LRMDA: variants seen among roughly 807,000 people sequenced by gnomAD.
The protein encoded by LRMDA is leucine-rich melanocyte differentiation-associated protein.
LRMDA carries 18 observed loss-of-function variants against 29.8 expected under a neutral mutation model. The ratio of observed to expected loss-of-function variants is 0.60; its 90% CI spans 0.42 to 0.90. LRMDA has a LOEUF of 0.90. LRMDA is among the 40% of genes least tolerant of loss of function. The pLI is 0.00. For missense variants in LRMDA, 273 were observed against 273.9 expected, an observed-to-expected ratio of 1.00 and a Z score of 0.02; for synonymous variants, 125 against 109.4, an observed-to-expected ratio of 1.14 and a Z score of -0.89.
Position 75,433,169 on chromosome 10 carries a change from C to T in LRMDA, c.30+1415C>T, listed in dbSNP as rs148326823. 2.6e-5 allele frequency among the ~76,000 whole-genome samples: 4 copies of T among 152,218 alleles called. No individual in the cohort carries two copies. In the East Asian group the frequency reaches 7.7e-4, roughly 29 times the overall value. ...CTTTTCCTTCTCTTGGAGTATCTACCTAAGAAGGAGGGTTCCCTGCCCCCC... is the reference window on the plus strand; with the variant it reads ...CTTTTCCTTCTCTTGGAGTATCTACTTAAGAAGGAGGGTTCCCTGCCCCCC... On this transcript the variant is annotated intron_variant, in intron 1 of 6. Transcript: ENST00000611255.
chr10:75,735,819 AAGC>A (rs1842755004), intron 2 of LRMDA, among the ~76,000 whole-genome samples: 1 of 152,216 alleles, frequency 6.6e-6, no homozygotes, highest in Non-Finnish European at 1.5e-5. Context: ...GTCGCCTCAG[AAGC>A]AGCATATCCT....
At chr10:75,572,551 GC>G (rs1223386950) in intron 2 of LRMDA, among the ~76,000 whole-genome samples, 1 of 152,066 alleles carries the variant, frequency 6.6e-6, no homozygotes, top group Non-Finnish European at 1.5e-5. Flanking sequence ...TTCGATTTCT[GC>G]CAAGTACACT....
At chr10:76,174,919 G>A (rs1011685826) in intron 5 of LRMDA, among the ~76,000 whole-genome samples, 5 of 152,084 alleles carry the variant, frequency 3.3e-5, no homozygotes, top group African/African-American at 4.8e-5. Flanking sequence ...TCAGGAGTTC[G>A]AGACTAGCCT....
At chr10:75,979,695 C>A (rs1197826946) in intron 2 of LRMDA, among the ~76,000 whole-genome samples, 1 of 152,038 alleles carries the variant, frequency 6.6e-6, no homozygotes, top group Admixed American at 6.6e-5. Flanking sequence ...CCCCTTCATT[C>A]CACTCAGGAC....
At chr10:76,318,882 C>T (rs1358758333) in intron 5 of LRMDA, 3 of 152,148 alleles carry the variant, frequency 2.0e-5, no homozygotes, top group Non-Finnish European at 2.9e-5. Context: ...CCCACACTTT[C>T]GTGTTGAATT....
chr10:76,422,410 A>G (rs537699182), intron 6 of LRMDA, among the ~76,000 whole-genome samples: 1 of 152,084 alleles, frequency 6.6e-6, no homozygotes, highest in South Asian at 2.1e-4. Flanking sequence ...TCAGCCAGCT[A>G]GTCTATCTAC....
At chr10:75,732,708 C>T (rs929982188) in intron 2 of LRMDA, among the ~76,000 whole-genome samples, 4 of 152,128 alleles carry the variant, frequency 2.6e-5, no homozygotes, top group East Asian at 1.9e-4. Flanking sequence ...CAGCTCACCA[C>T]GAACAGCCAT....
intron 6 of LRMDA, among the ~76,000 whole-genome samples, chr10:76,513,274 G>A (rs148476910): frequency 4.9e-4 from 75 of 152,200 alleles, no homozygotes; most frequent in African/African-American, 1.6e-3. Flanking sequence ...TTCAAACCCT[G>A]TGTTTTAAAA....
rs563390221 is a variant in LRMDA at position 75,632,048 on chromosome 10, G to A, written c.131+193554G>A. Among the ~76,000 whole-genome samples, 34 of 152,260 alleles carry A rather than the reference G, an allele frequency of 2.2e-4. 1 individual carries two copies. The South Asian group carries it at 6.2e-3, about 28-fold the overall frequency. On this transcript the variant is annotated intron_variant, in intron 2 of 6. Transcript: ENST00000611255. ...TTGTTGGCTCCTAATATTCCCAGAC[G>A]TTGGCTGTGCTTCTGGCAACCTTTA...
At chr10:76,465,242 G>A (rs888196314) in intron 6 of LRMDA, among the ~76,000 whole-genome samples, 2 of 152,132 alleles carry the variant, frequency 1.3e-5, no homozygotes, top group Non-Finnish European at 2.9e-5. Context: ...AATATTTGTG[G>A]CCATGGGCAT....
At chr10:76,209,465 T>C (rs1851597179) in intron 5 of LRMDA, among the ~76,000 whole-genome samples, 1 of 152,188 alleles carries the variant, frequency 6.6e-6, no homozygotes, top group African/African-American at 2.4e-5. Context: ...TCTCTCTGGA[T>C]TGACGGCATA....
intron 2 of LRMDA, chr10:75,783,083 A>G: frequency 1.9e-6 from 3 of 1,593,112 alleles, no homozygotes; most frequent in Non-Finnish European, 2.6e-6. Flanking sequence ...TGCCTTTTAA[A>G]TAGCAATGAT....
At chr10:75,728,813 G>T (rs1001284500) in intron 2 of LRMDA, among the ~76,000 whole-genome samples, 1 of 151,910 alleles carries the variant, frequency 6.6e-6, no homozygotes, top group Non-Finnish European at 1.5e-5. Context: ...GCTAATGGGG[G>T]TTGAGTGTAT....
intron 2 of LRMDA, among the ~76,000 whole-genome samples, chr10:75,735,008 T>A (rs1186614875): frequency 7.9e-5 from 12 of 152,212 alleles, no homozygotes; most frequent in Admixed American, 7.9e-4. Context: ...TCTAATTTAC[T>A]TATTCATGAT....
intron 2 of LRMDA, among the ~76,000 whole-genome samples, chr10:75,728,815 TGA>T (rs1483565765): frequency 6.6e-6 from 1 of 152,028 alleles, no homozygotes; most frequent in Non-Finnish European, 1.5e-5. Flanking sequence ...TAATGGGGGT[TGA>T]GTGTATACTT....
At chr10:76,268,768 A>G (rs116332962) in intron 5 of LRMDA, among the ~76,000 whole-genome samples, 2,344 of 152,190 alleles carry the variant, frequency 0.015, 33 homozygotes, top group African/African-American at 0.05. Flanking sequence ...CATCAGGGAA[A>G]TCTCTGACTT....
chr10:76,294,598 T>G (rs1235382242), intron 5 of LRMDA, among the ~76,000 whole-genome samples: 1 of 152,156 alleles, frequency 6.6e-6, no homozygotes, highest in Non-Finnish European at 1.5e-5. Flanking sequence ...AAGTATAAAG[T>G]TGGAGAGGTC....
intron 5 of LRMDA, among the ~76,000 whole-genome samples, chr10:76,110,385 C>T (rs1397945051): frequency 6.6e-6 from 1 of 152,212 alleles, no homozygotes; most frequent in Non-Finnish European, 1.5e-5. Context: ...TTACTTCCAT[C>T]AGCTTTTGAC....
At chr10:76,264,451 A>C (rs1050258537) in intron 5 of LRMDA, among the ~76,000 whole-genome samples, 3 of 132,990 alleles carry the variant, frequency 2.3e-5, no homozygotes, top group Non-Finnish European at 4.9e-5. Flanking sequence ...AAAAAAAAAA[A>C]AAAAAACACG....
Sources: gnomAD v4.1 joint callset for allele counts (sites outside exome capture counted in the v4.1 genomes callset) on GRCh38, gnomAD v4.1.1 for gene constraint, MANE v1.5 for transcripts, NCBI Gene and HGNC (gene_info 2026-07-23, HGNC 2026-07-21) for gene names.